Variants in WDR19 observed in about 807,000 individuals in gnomAD.
WDR19 encodes the protein WD repeat domain 19.
Under a neutral mutation model 180.0 loss-of-function variants are expected in WDR19, and 121 were observed. The observed-to-expected ratio is 0.67, with a 90% CI of 0.58 to 0.78. WDR19 has a LOEUF of 0.78. WDR19 is among the 30% of genes least tolerant of loss of function. The pLI, the probability that WDR19 is intolerant of heterozygous loss-of-function variation, is 0.00. For synonymous variants in WDR19, 497 were observed against 540.7 expected (o/e 0.92, Z 1.12); for missense variants, 1,450 against 1,640.7 (o/e 0.88, Z 2.01).
At chr4:39,210,222 A>G (rs1416209679) in intron 9 of WDR19, among the ~76,000 whole-genome samples, 1 of 152,254 alleles carries the variant, frequency 6.6e-6, no homozygotes, top group Non-Finnish European at 1.5e-5. Context: ...AGTGTATTAA[A>G]AAAGAAAAAG....
At chr4:39,273,448 C>A in intron 32 of WDR19, 1 of 188,496 alleles carries the variant, frequency 5.3e-6, no homozygotes, top group Non-Finnish European at 1.1e-5. Flanking sequence ...CGTAGAGTGC[C>A]AAGAAGCTCA....
intron 24 of WDR19, among the ~76,000 whole-genome samples, chr4:39,246,049 C>T (rs745405966): frequency 7.2e-5 from 11 of 152,060 alleles, no homozygotes; most frequent in Admixed American, 6.5e-4. Context: ...ACACAAGCGC[C>T]AGAGGAGGAA....
chr4:39,263,143 C>T (rs1025342312), intron 28 of WDR19, among the ~76,000 whole-genome samples: 3 of 134,098 alleles, frequency 2.2e-5, no homozygotes, highest in African/African-American at 5.6e-5. Context: ...AAGGGAAGTA[C>T]GAGGCCCCTC....
intron 14 of WDR19, among the ~76,000 whole-genome samples, chr4:39,221,314 G>A (rs2109341031): frequency 6.6e-6 from 1 of 152,298 alleles, no homozygotes; most frequent in East Asian, 1.9e-4. Flanking sequence ...TAGCAAGTCT[G>A]TAGCAAAGTG....
At chr4:39,226,292 C>T (rs528069512) in intron 15 of WDR19, among the ~76,000 whole-genome samples, 1 of 152,304 alleles carries the variant, frequency 6.6e-6, no homozygotes, top group South Asian at 2.1e-4. Context: ...TTACAGTTCT[C>T]TTTTTCTTGA....
chr4:39,220,720 G>A (rs9990610), intron 14 of WDR19, among the ~76,000 whole-genome samples: 8,985 of 150,386 alleles, frequency 0.06, 884 homozygotes, highest in African/African-American at 0.21. Context: ...ATCTTGGCCA[G>A]GCTGGTCTTG....
intron 5 of WDR19, among the ~76,000 whole-genome samples, chr4:39,195,115 C>G (rs1164286790): frequency 2.6e-5 from 4 of 152,058 alleles, no homozygotes; most frequent in Admixed American, 1.3e-4. Context: ...CGCCTGTAAT[C>G]CCAGCACTTT....
rs2109358310 is a variant in WDR19 at position 39,228,499 on chromosome 4, T to C, written c.1791T>C (p.Ile597=). The C allele has an allele frequency of 3.1e-6, 5 of 1,613,814 alleles. No individual in the cohort carries two copies. Among genetic ancestry groups the C allele is most frequent in the Non-Finnish European group, 4.2e-6 (5 of 1,179,776 alleles). The change falls in exon 17 of 37, where the codon ATT becomes ATC. Residue 597 remains isoleucine, a synonymous_variant. Coordinates refer to ENST00000399820, the MANE Select transcript of WDR19 (RefSeq NM_025132.4). ...HKDTIQGAKV[I]LAGSTKVPFA... ...TTTATAATGTAGGAGCCAAGGTTATTTTGGCTGGTAGCACCAAAGTTCCTT... is the reference window on the plus strand; with the variant it reads ...TTTATAATGTAGGAGCCAAGGTTATCTTGGCTGGTAGCACCAAAGTTCCTT...
At position 39,203,733 on chromosome 4, in the gene WDR19, T is replaced by C; in HGVS notation, c.603+11T>C. Reference sequence around the variant, plus strand: ...GCTGCTGAAAGCATGGTAAGAATTCTAATCAAATCCACGTGCAAATCATTT... The same window carrying C: ...GCTGCTGAAAGCATGGTAAGAATTCCAATCAAATCCACGTGCAAATCATTT... On this transcript the variant is annotated intron_variant, in intron 7 of 36. Transcript: ENST00000399820. The C allele has an allele frequency of 6.2e-7, 1 of 1,606,832 alleles. No homozygotes were observed. The highest frequency in any genetic ancestry group is 8.5e-7 in the Non-Finnish European group (1 of 1,175,794).
chr4:39,282,939 C>G (rs7661627), intron 36 of WDR19, among the ~76,000 whole-genome samples: 61,344 of 151,974 alleles, frequency 0.4, 13,205 homozygotes, highest in African/African-American at 0.56. Flanking sequence ...TCTACAAATA[C>G]ACAAAAAATT....
intron 5 of WDR19, among the ~76,000 whole-genome samples, chr4:39,196,286 A>T (rs1726740205): frequency 6.6e-6 from 1 of 152,154 alleles, no homozygotes; most frequent in South Asian, 2.1e-4. Context: ...TCCCAAATTT[A>T]TATCTTTTCC....
intron 14 of WDR19, 103 bp downstream of exon 14, chr4:39,218,208 C>T: frequency 7.6e-7 from 1 of 1,319,262 alleles, no homozygotes; most frequent in Non-Finnish European, 1.0e-6. Flanking sequence ...TATATTGAAT[C>T]CAATACAATT....
chr4:39,210,731 A>G (rs956085644), intron 9 of WDR19, among the ~76,000 whole-genome samples: 4 of 152,200 alleles, frequency 2.6e-5, no homozygotes, highest in African/African-American at 9.6e-5. Context: ...GACAAACCGT[A>G]TATATAATCA....
Position 39,234,828 on chromosome 4 carries a change from C to T in WDR19, c.2316C>T (p.Asp772=). ...ALQLAKHLAP[D]QIPFISKEYA... ...AACTGGCAAAGCATTTGGCCCCAGA[C>T]CAGATACCTTTTATATCAAAAGAAT... The change falls in exon 20 of 37, where the codon GAC becomes GAT. Residue 772 remains aspartate, a synonymous_variant. Transcript: ENST00000399820. 6.3e-7 allele frequency: 1 copy of T among 1,580,776 alleles called. No individual in the cohort carries two copies. The highest frequency in any genetic ancestry group is 8.6e-7 in the Non-Finnish European group (1 of 1,162,128).
At chr4:39,227,112 C>T (rs1730353733) in intron 15 of WDR19, among the ~76,000 whole-genome samples, 1 of 152,100 alleles carries the variant, frequency 6.6e-6, no homozygotes, top group South Asian at 2.1e-4. Flanking sequence ...GTAGTTTACA[C>T]TTAAACATAT....
chr4:39,185,484 T>A (rs906752043), intron 1 of WDR19, among the ~76,000 whole-genome samples: 5 of 152,160 alleles, frequency 3.3e-5, no homozygotes, highest in Admixed American at 6.5e-5. Context: ...CCAAAAAAAA[T>A]TTAAAATAAA....
Position 39,266,158 on chromosome 4 carries a change from T to C in WDR19, c.3261+18T>C. On this transcript the variant is annotated intron_variant, in intron 29 of 36. Coordinates refer to ENST00000399820, the MANE Select transcript of WDR19 (RefSeq NM_025132.4). The stretch of plus-strand genomic sequence containing the variant: ...TGCCTAAGGTACTGAACACGTGGGC[T>C]TCGTGTGCATCCTCAGGTCTCAGTT... 1 of 1,531,912 alleles carries C rather than the reference T, an allele frequency of 6.5e-7. No homozygotes were observed. Among genetic ancestry groups the C allele is most frequent in the South Asian group, 1.2e-5 (1 of 80,268 alleles). The allele number at this position is 1,531,912 out of a possible 1,614,324, so 94.9% of individuals were successfully genotyped here.
Position 39,266,109 on chromosome 4 carries a change from A to C in WDR19, c.3230A>C (p.His1077Pro). ...DELLTNQLID[H>P]LLGENDGMPK... ...CTGCTGACCAATCAGCTGATAGACC[A>C]TCTCCTGGGGGAGAACGATGGCATG... Residue 1077 changes from histidine (H) to proline (P), a missense_variant, in exon 29 of 37, where the codon CAT (histidine) becomes CCT (proline). His to Pro is a moderately conservative substitution (Grantham distance 77, BLOSUM62 -2). Transcript: ENST00000399820. 6.4e-7 allele frequency: 1 copy of C among 1,563,022 alleles called. No homozygotes were observed. Among genetic ancestry groups the C allele is most frequent in the South Asian group, 1.2e-5 (1 of 84,456 alleles).
rs1224983700 is a variant in WDR19 at position 39,255,956 on chromosome 4, C to T, written c.3110C>T (p.Ser1037Leu). The change falls in exon 27 of 37, where the codon TCA (serine) becomes TTA (leucine). Residue 1037 changes from serine (S) to leucine (L), a missense_variant. Ser to Leu is a moderately radical substitution (Grantham distance 145, BLOSUM62 -2). Transcript: ENST00000399820. ...GKFFLLCGQY[S>L]RALKHFLKCP... ...TTCTTCTTGCTGTGTGGCCAATATT[C>T]ACGAGTTAGTATTTGCCAAGAAAAT... 4 of 1,530,810 alleles carry T rather than the reference C, an allele frequency of 2.6e-6. No homozygotes were observed. Among genetic ancestry groups the T allele is most frequent in the Admixed American group, 1.9e-5 (1 of 53,336 alleles). The allele number at this position is 1,530,810 out of a possible 1,614,324, so 94.8% of individuals were successfully genotyped here.
Sources: allele counts gnomAD v4.1 joint callset (sites outside exome capture counted in the v4.1 genomes callset), GRCh38; gene constraint gnomAD v4.1.1; transcripts MANE v1.5; gene names NCBI Gene and HGNC (gene_info 2026-07-23, HGNC 2026-07-21).